Variants in STAU1 observed in about 807,000 individuals in gnomAD.
The protein encoded by STAU1 is staufen double-stranded RNA binding protein 1.
In STAU1, 13 loss-of-function variants were observed where a neutral mutation model predicts 62.9. The ratio of observed to expected loss-of-function variants is 0.21; its 90% CI spans 0.13 to 0.33. The LOEUF (loss-of-function observed/expected upper bound fraction) is 0.33. STAU1 is among the 10% of genes least tolerant of loss of function. STAU1 has a pLI of 1.00. For synonymous variants in STAU1, 269 were observed against 265.1 expected (o/e 1.01, Z -0.14); for missense variants, 571 against 712.1 (o/e 0.80, Z 2.25).
At position 49,114,204 on chromosome 20, in the gene STAU1, C is replaced by T. The variant is rs2092253925; in HGVS notation, c.*674G>A. 1 of 152,480 alleles carries T rather than the reference C, an allele frequency of 6.6e-6. No homozygotes were observed. The highest frequency in any genetic ancestry group is 1.5e-5 in the Non-Finnish European group (1 of 68,036). The allele number at this position is 152,480 out of a possible 1,614,324, so 9.4% of individuals were successfully genotyped here. On this transcript the variant is annotated 3_prime_UTR_variant, in exon 14 of 14. Transcript: ENST00000371856. ...ATAAAGTCAGTCTCAGACAAGTTTC[C>T]AAACTGTGCTATTTAACTAGATACA...
the STAU1 span, among the ~76,000 whole-genome samples, chr20:49,206,427 T>G: frequency 2.1e-4 from 29 of 141,160 alleles, no homozygotes; most frequent in African/African-American, 6.4e-4. Flanking sequence ...TTTTTTTTTT[T>G]TTTTTTTTTT....
chr20:49,215,298 C>A, the STAU1 span, among the ~76,000 whole-genome samples: 1 of 152,328 alleles, frequency 6.6e-6, no homozygotes, highest in South Asian at 2.1e-4. Context: ...ATGCCTCAGG[C>A]CCCTCTTGTT....
At chr20:49,138,806 T>C (rs1398599702) in intron 5 of STAU1, among the ~76,000 whole-genome samples, 1 of 152,110 alleles carries the variant, frequency 6.6e-6, no homozygotes, top group East Asian at 1.9e-4. Flanking sequence ...AGCCCACACT[T>C]GTATTTTTGT....
At chr20:49,129,280 A>ATTTTTTTTTTTTTTT (rs71184264) in intron 6 of STAU1, among the ~76,000 whole-genome samples, 1 of 87,928 alleles carries the variant, frequency 1.1e-5, no homozygotes, top group South Asian at 4.1e-4. Flanking sequence ...TTAAAAAAAA[A>ATTTTTTTTTTTTTTT]TTTTTTTTTT....
chr20:49,187,946 CAA>C (rs1326493884), intron 1 of STAU1, among the ~76,000 whole-genome samples, 168 bp downstream of exon 1: 3 of 151,854 alleles, frequency 2.0e-5, no homozygotes, highest in African/African-American at 7.2e-5. Flanking sequence ...CGAGGGAACG[CAA>C]GAGGACCCGC....
intron 5 of STAU1, among the ~76,000 whole-genome samples, chr20:49,146,184 T>G (rs2146173171): frequency 6.6e-6 from 1 of 152,102 alleles, no homozygotes; most frequent in Non-Finnish European, 1.5e-5. Flanking sequence ...AAGGACTGCT[T>G]GAGTCCAGGA....
At chr20:49,144,699 C>T (rs2146148893) in intron 5 of STAU1, among the ~76,000 whole-genome samples, 1 of 152,270 alleles carries the variant, frequency 6.6e-6, no homozygotes, top group East Asian at 1.9e-4. Context: ...TGTCTCTAGT[C>T]TTCTTTTTTT....
intron 5 of STAU1, among the ~76,000 whole-genome samples, chr20:49,145,797 C>A (rs1478036211): frequency 1.3e-5 from 2 of 151,638 alleles, no homozygotes; most frequent in African/African-American, 4.8e-5. Flanking sequence ...AATCAAGAGG[C>A]AAAAGGATCA....
intron 6 of STAU1, among the ~76,000 whole-genome samples, chr20:49,128,773 CAAAAAAA>C (rs34891670): frequency 4.9e-5 from 5 of 102,636 alleles, no homozygotes; most frequent in South Asian, 3.0e-4. Flanking sequence ...CATCCAAATC[CAAAAAAA>C]AAAAAAAAAA....
At chr20:49,210,467 C>G in the STAU1 span, 2 of 455,856 alleles carry the variant, frequency 4.4e-6, no homozygotes, top group Admixed American at 2.4e-5. Flanking sequence ...CCTCTTCTCT[C>G]TCTCCTTTTT....
intron 1 of STAU1, among the ~76,000 whole-genome samples, chr20:49,183,942 T>C (rs966821443): frequency 2.6e-4 from 39 of 152,092 alleles, no homozygotes; most frequent in African/African-American, 9.2e-4. Context: ...CTTTTTTTTT[T>C]TTTTGAGAAG....
intron 1 of STAU1, among the ~76,000 whole-genome samples, chr20:49,187,667 G>A (rs1421449212): frequency 6.6e-6 from 1 of 151,962 alleles, no homozygotes; most frequent in Non-Finnish European, 1.5e-5. Flanking sequence ...GGCAGAGCCG[G>A]GTTCGGCACC....
At chr20:49,195,898 C>CAAAAAAAAAAAAAAAAAAGAAAAA in the STAU1 span, among the ~76,000 whole-genome samples, 1 of 33,880 alleles carries the variant, frequency 3.0e-5, no homozygotes, top group Non-Finnish European at 5.1e-5. Context: ...AACTTCCTCT[C>CAAAAAAAAAAAAAAAAAAGAAAAA]AAAAAAAAAA....
intron 12 of STAU1, among the ~76,000 whole-genome samples, chr20:49,116,588 C>T (rs2092330750): frequency 6.6e-6 from 1 of 152,116 alleles, no homozygotes; most frequent in Non-Finnish European, 1.5e-5. Context: ...ATCCGCCTGC[C>T]TCAGCCTCCC....
At chr20:49,138,694 G>A (rs2092943545) in intron 5 of STAU1, among the ~76,000 whole-genome samples, 1 of 151,902 alleles carries the variant, frequency 6.6e-6, no homozygotes, top group Admixed American at 6.6e-5. Context: ...TAGAGATGGG[G>A]TCTCACTATG....
At chr20:49,197,077 C>G in the STAU1 span, among the ~76,000 whole-genome samples, 1 of 151,644 alleles carries the variant, frequency 6.6e-6, no homozygotes, top group African/African-American at 2.4e-5. Flanking sequence ...ATAGCTTGAA[C>G]GCGGGAGGTG....
chr20:49,152,145 C>G (rs1176312345), intron 4 of STAU1, among the ~76,000 whole-genome samples: 1 of 152,150 alleles, frequency 6.6e-6, no homozygotes, highest in Non-Finnish European at 1.5e-5. Context: ...ATGCACAAGT[C>G]TTTCAAAAGG....
rs1012646435 is a variant in STAU1 at position 49,114,030 on chromosome 20, C to T, written c.*848G>A. The T allele has an allele frequency of 1.3e-5, 2 of 152,550 alleles. No individual in the cohort carries two copies. Among genetic ancestry groups the T allele is most frequent in the African/African-American group, 2.4e-5 (1 of 41,428 alleles). The allele number at this position is 152,550 out of a possible 1,614,324, so 9.4% of individuals were successfully genotyped here. A position where few individuals can be genotyped will look rare whatever the true frequency, so the allele number is the denominator to read the frequency against. Reference sequence around the variant, plus strand: ...GTCCAATTTATACAACTGTGGGAGACTTATTCAAGGTTTTTGAAAGTCCAG... The same window carrying T: ...GTCCAATTTATACAACTGTGGGAGATTTATTCAAGGTTTTTGAAAGTCCAG... On this transcript the variant is annotated 3_prime_UTR_variant, in exon 14 of 14. Transcript: ENST00000371856.
At chr20:49,144,426 G>A (rs1452034571) in intron 5 of STAU1, among the ~76,000 whole-genome samples, 1 of 152,102 alleles carries the variant, frequency 6.6e-6, no homozygotes, top group Non-Finnish European at 1.5e-5. Flanking sequence ...ATCACTAGCT[G>A]ATTCTTGAGT....
Sources: allele counts gnomAD v4.1 joint callset (sites outside exome capture counted in the v4.1 genomes callset), GRCh38; gene constraint gnomAD v4.1.1; transcripts MANE v1.5; gene names NCBI Gene and HGNC (gene_info 2026-07-23, HGNC 2026-07-21).